The following STX2 variants were observed in gnomAD, a reference collection of about 807,000 sequenced individuals.
STX2 encodes syntaxin-2.
A neutral mutation model predicts 40.6 loss-of-function variants in STX2; 27 were observed. The ratio of observed to expected loss-of-function variants is 0.66; its 90% CI spans 0.49 to 0.92. The LOEUF is 0.92. Ranked by LOEUF, STX2 falls within the 40% of genes least tolerant of loss-of-function variation. The pLI, the probability that STX2 is intolerant of heterozygous loss-of-function variation, is 0.00. For missense variants in STX2, 328 were observed against 366.1 expected (o/e 0.90, Z 0.85); for synonymous variants, 123 against 119.1 (o/e 1.03, Z -0.22).
chr12:130,818,784 C>A (rs550059397), intron 3 of STX2, among the ~76,000 whole-genome samples: 1 of 152,300 alleles, frequency 6.6e-6, no homozygotes, highest in Non-Finnish European at 1.5e-5. Flanking sequence ...CAAGGACGAC[C>A]GCACCCGAAC....
intron 9 of STX2, 54 bp downstream of exon 9, chr12:130,798,471 C>T (rs1951102599): frequency 7.2e-7 from 1 of 1,390,954 alleles, no homozygotes; most frequent in African/African-American, 1.5e-5. Flanking sequence ...TGTATTACAA[C>T]TTGAAACCAA....
rs796848754 is a variant in STX2 at position 130,814,785 on chromosome 12, C to T, written c.206-1754G>A. 5.9e-5 allele frequency among the ~76,000 whole-genome samples: 9 copies of T among 151,920 alleles called. No individual in the cohort carries two copies. In the South Asian group the frequency reaches 1.0e-3, roughly 18 times the overall value. ...CCAAGTAGCTGGGATTACAGGCCTC[C>T]GCCACCACACCCAGCTAATTTTTGT... On this transcript the variant is annotated intron_variant, in intron 3 of 10. Coordinates refer to ENST00000392373, the MANE Select transcript of STX2 (RefSeq NM_194356.4).
intron 9 of STX2, among the ~76,000 whole-genome samples, chr12:130,797,852 A>G (rs1951079925): frequency 6.6e-6 from 1 of 152,232 alleles, no homozygotes; most frequent in Non-Finnish European, 1.5e-5. Flanking sequence ...GCTACCTAAG[A>G]CTGCAGGTCC....
rs562506517 is a variant in STX2 at position 130,817,352 on chromosome 12, G to A, written c.206-4321C>T. Reference sequence around the variant, plus strand: ...TGAAGAAAGATTCCCTGACCTGAAAGACAATCGCTGAAGAGAAATCAAACG... The same window carrying A: ...TGAAGAAAGATTCCCTGACCTGAAAAACAATCGCTGAAGAGAAATCAAACG... On this transcript the variant is annotated intron_variant, in intron 3 of 10. Transcript: ENST00000392373. Among the ~76,000 whole-genome samples, 50 of 152,230 alleles carry A rather than the reference G, an allele frequency of 3.3e-4. No homozygotes were observed. The South Asian group carries it at 4.6e-3, about 14-fold the overall frequency.
intron 1 of STX2, among the ~76,000 whole-genome samples, chr12:130,834,086 A>C (rs1952673388): frequency 6.6e-6 from 1 of 152,158 alleles, no homozygotes; most frequent in Admixed American, 6.6e-5. Context: ...CTAACCTGAG[A>C]CTAAAAAAGG....
chr12:130,824,523 G>C (rs1565931156), intron 2 of STX2, among the ~76,000 whole-genome samples: 1 of 152,164 alleles, frequency 6.6e-6, no homozygotes, highest in Non-Finnish European at 1.5e-5. Context: ...GGCTCCAGAG[G>C]AACAGGAGAC....
Position 130,825,210 on chromosome 12 carries a change from T to C in STX2, c.105+1983A>G, listed in dbSNP as rs1177112160. Among the ~76,000 whole-genome samples, 3 of 152,166 alleles carry C rather than the reference T, an allele frequency of 2.0e-5. No homozygotes were observed. The East Asian group carries it at 5.8e-4, about 29-fold the overall frequency. On this transcript the variant is annotated intron_variant, in intron 2 of 10. Transcript: ENST00000392373. ...TGCCATCATGCCTGGCTAATTTTTGTATTTTTAGTAGAGACAGGGTTTTGG... is the reference window on the plus strand; with the variant it reads ...TGCCATCATGCCTGGCTAATTTTTGCATTTTTAGTAGAGACAGGGTTTTGG...
intron 8 of STX2, among the ~76,000 whole-genome samples, chr12:130,800,855 C>G (rs575023389): frequency 8.5e-5 from 13 of 152,332 alleles, no homozygotes; most frequent in African/African-American, 2.9e-4. Flanking sequence ...GCACAAACAT[C>G]TGCATATTTC....
chr12:130,818,185 A>AAAAAAAAAAAAAT, intron 3 of STX2, among the ~76,000 whole-genome samples: 4 of 70,588 alleles, frequency 5.7e-5, no homozygotes, highest in African/African-American at 1.2e-4. Context: ...AAAAAAAAAA[A>AAAAAAAAAAAAAT]ATATATATAT....
chr12:130,838,952 C>T (rs1952830136), intron 1 of STX2, 118 bp downstream of exon 1: 6 of 1,095,470 alleles, frequency 5.5e-6, no homozygotes, highest in Non-Finnish European at 7.0e-6. Flanking sequence ...CCCAGAACGC[C>T]GGAGATCCCC....
intron 3 of STX2, among the ~76,000 whole-genome samples, chr12:130,818,184 AAATATATATATATATATAT>A (rs1229899849): frequency 5.4e-5 from 2 of 37,254 alleles, no homozygotes; most frequent in Non-Finnish European, 1.1e-4. Context: ...AAAAAAAAAA[AAATATATATATATATATAT>A]ATATATATAT....
intron 10 of STX2, 39 bp from the exon 11 acceptor site, chr12:130,792,016 A>G: frequency 2.1e-6 from 3 of 1,426,654 alleles, no homozygotes; most frequent in Non-Finnish European, 2.9e-6. Flanking sequence ...CAATGTATCA[A>G]AGAAATCAAC....
At chr12:130,814,418 G>C (rs537653773) in intron 3 of STX2, among the ~76,000 whole-genome samples, 4 of 152,134 alleles carry the variant, frequency 2.6e-5, no homozygotes, top group African/African-American at 9.6e-5. Flanking sequence ...TGGAGAGACT[G>C]GTGGCTTCCA....
chr12:130,808,108 G>A (rs949381140), intron 5 of STX2, among the ~76,000 whole-genome samples: 25 of 151,954 alleles, frequency 1.6e-4, no homozygotes, highest in African/African-American at 1.9e-4. Context: ...AGTCACCCTC[G>A]GCCCACCCTG....
At chr12:130,810,585 G>A (rs1276030264) in intron 4 of STX2, 1 of 152,236 alleles carries the variant, frequency 6.6e-6, no homozygotes, top group Non-Finnish European at 1.5e-5. Context: ...AAAGTGGAAA[G>A]GCTGTCACAG....
rs1320937185 is a variant in STX2 at position 130,839,157 on chromosome 12, C to T, written c.-58G>A. On this transcript the variant is annotated 5_prime_UTR_variant, in exon 1 of 11. Coordinates refer to ENST00000392373, the MANE Select transcript of STX2 (RefSeq NM_194356.4). The stretch of plus-strand genomic sequence containing the variant: ...AAGCCTGTCCCGAGCTGCCTCCGGC[C>T]GGGCCTCGGGCTCTCCGGTCTCCGC... 9.5e-6 allele frequency: 11 copies of T among 1,155,314 alleles called. No homozygotes were observed. The Admixed American group carries it at 4.3e-4, about 45-fold the overall frequency. The allele number at this position is 1,155,314 out of a possible 1,614,324, so 71.6% of individuals were successfully genotyped here. A position where few individuals can be genotyped will look rare whatever the true frequency, so the allele number is the denominator to read the frequency against.
rs1019777097 is a variant in STX2, at chr12:130,838,949, C to T, written c.30+121G>A. On this transcript the variant is annotated intron_variant, in intron 1 of 10. Transcript: ENST00000392373. ...CCTGCCCGCAGCCCCCGCCCCAGAACGCCGGAGATCCCCGCCCTGGGGACC... is the reference window on the plus strand; with the variant it reads ...CCTGCCCGCAGCCCCCGCCCCAGAATGCCGGAGATCCCCGCCCTGGGGACC... 1.9e-5 allele frequency: 20 copies of T among 1,027,178 alleles called. No homozygotes were observed. The African/African-American group carries it at 2.9e-4, about 15-fold the overall frequency. 63.6% of individuals were successfully genotyped at this position (1,027,178 alleles called of 1,614,324 possible). A position where few individuals can be genotyped will look rare whatever the true frequency, so the allele number is the denominator to read the frequency against.
intron 6 of STX2, among the ~76,000 whole-genome samples, chr12:130,805,956 C>T (rs140189750): frequency 9.7e-4 from 148 of 152,254 alleles, no homozygotes; most frequent in Middle Eastern, 3.4e-3. Context: ...ACTACAAGTG[C>T]GTCCCAGTTG....
At chr12:130,811,757 G>A (rs1191141086) in intron 4 of STX2, among the ~76,000 whole-genome samples, 3 of 152,026 alleles carry the variant, frequency 2.0e-5, no homozygotes, top group South Asian at 2.1e-4. Flanking sequence ...GCCAGGATAA[G>A]TCTCGATCTC....
Sources: gnomAD v4.1 joint callset for allele counts (sites outside exome capture counted in the v4.1 genomes callset) on GRCh38, gnomAD v4.1.1 for gene constraint, MANE v1.5 for transcripts, NCBI Gene and HGNC (gene_info 2026-07-23, HGNC 2026-07-21) for gene names.